The following NLRP1 variants were observed in gnomAD, a reference collection of about 807,000 sequenced individuals.
NLRP1 encodes the protein NLR family pyrin domain containing 1.
Under a neutral mutation model 136.7 loss-of-function variants are expected in NLRP1, and 94 were observed. The observed-to-expected ratio is 0.69, with a 90% confidence interval of 0.58 to 0.82. The LOEUF is 0.82. Ranked by LOEUF, NLRP1 falls within the 40% of genes least tolerant of loss-of-function variation. NLRP1 has a pLI of 0.00. For missense variants in NLRP1, 1,575 were observed against 1,802.7 expected (o/e 0.87, Z 2.29); for synonymous variants, 690 against 725.1 (o/e 0.95, Z 0.78).
chr17:5,550,646 G>C (rs1913830434), intron 5 of NLRP1, among the ~76,000 whole-genome samples: 1 of 151,928 alleles, frequency 6.6e-6, no homozygotes, highest in African/African-American at 2.4e-5. Context: ...CTAACTTTTA[G>C]TTTCATTGGT....
intron 8 of NLRP1, among the ~76,000 whole-genome samples, chr17:5,535,895 G>A (rs1260989046): frequency 7.2e-5 from 11 of 152,174 alleles, no homozygotes; most frequent in Admixed American, 7.2e-4. Flanking sequence ...CCCGGGGCTT[G>A]CCCCTCAAGT....
intron 12 of NLRP1, among the ~76,000 whole-genome samples, chr17:5,529,601 C>G (rs1037904736): frequency 2.0e-5 from 3 of 152,158 alleles, no homozygotes; most frequent in Non-Finnish European, 4.4e-5. Context: ...CTCCTGACCT[C>G]GTGATCCGCC....
At chr17:5,508,507 T>TCATCCC (rs1907471427) in intron 15 of NLRP1, among the ~76,000 whole-genome samples, 2 of 95,462 alleles carry the variant, frequency 2.1e-5, no homozygotes, top group East Asian at 1.0e-3. Flanking sequence ...CCTTTGATAC[T>TCATCCC]ATCCCTTAGT....
In NLRP1 at chr17:5,514,904, G is replaced by C. The variant is rs1567628592; in HGVS notation, c.4272C>G (p.Ser1424Arg). The part of the protein sequence containing the change: ...ERVLAENTRP[S>R]QMRKLFSLSQ... ...TCAAGCTGAACAGCTTCCGCATCTG[G>C]CTGGGCCTCGTGTTCTCAGCCAGCA... Residue 1424 changes from serine to arginine, a missense_variant, in exon 17 of 17, where the codon AGC (serine) becomes AGG (arginine). Ser to Arg is a moderately radical substitution (Grantham distance 110). Coordinates refer to ENST00000572272, the MANE Select transcript of NLRP1 (RefSeq NM_033004.4). 1 of 1,614,130 alleles carries C rather than the reference G, an allele frequency of 6.2e-7. No homozygotes were observed. The highest frequency in any genetic ancestry group is 8.5e-7 in the Non-Finnish European group (1 of 1,180,026).
chr17:5,583,797 G>A lies in NLRP1; in HGVS notation c.161C>T (p.Ala54Val). 6.4e-7 allele frequency: 1 copy of A among 1,557,310 alleles called. No individual in the cohort carries two copies. Among genetic ancestry groups the A allele is most frequent in the Non-Finnish European group, 8.7e-7 (1 of 1,149,736 alleles). ...QPEKTSGMEV[A>V]SYLVAQYGEQ... ...CCCATACTGAGCCACCAGGTACGAG[G>A]CCACCTCCATGCCACTCGTCTTCTC... The change falls in exon 1 of 17, where the codon GCC becomes GTC. Residue 54 changes from alanine to valine, a missense_variant. By Grantham distance (64) the Ala-to-Val change is moderately conservative (BLOSUM62 0). Coordinates refer to ENST00000572272, the MANE Select transcript of NLRP1 (RefSeq NM_033004.4). This position sits in a 1 kb window ranked among gnomAD's most constrained non-coding sequence, Gnocchi z 4.5.
chr17:5,556,088 GTCTGTC>G (rs144556154), intron 4 of NLRP1, among the ~76,000 whole-genome samples: 6,499 of 142,746 alleles, frequency 0.046, 407 homozygotes, highest in African/African-American at 0.13. Context: ...GCAAGACTCT[GTCTGTC>G]TCTGTCTCTG....
chr17:5,572,833 G>T lies in NLRP1; in HGVS notation c.652+9026C>A, dbSNP rs951055889. On this transcript the variant is annotated intron_variant, in intron 3 of 16. Transcript: ENST00000572272. ...ACTTATTATTAGCAAAATGCAAATT[G>T]GGGTGGTTCCAAGATGGCCGAATAG... is the stretch of plus-strand genomic sequence containing the variant. 3.3e-5 allele frequency among the ~76,000 whole-genome samples: 5 copies of T among 152,270 alleles called. No individual in the cohort carries two copies. The East Asian group carries it at 5.8e-4, about 18-fold the overall frequency.
intron 4 of NLRP1, among the ~76,000 whole-genome samples, chr17:5,556,553 T>C (rs1914109138): frequency 1.3e-5 from 2 of 150,900 alleles, no homozygotes; most frequent in Admixed American, 6.6e-5. Context: ...TAAAATAAAA[T>C]GTACAATATG....
intron 11 of NLRP1, 83 bp from the exon 12 acceptor site, chr17:5,530,787 G>T: frequency 4.8e-6 from 5 of 1,046,994 alleles, no homozygotes; most frequent in Non-Finnish European, 5.8e-6. Flanking sequence ...GCAGGGGCTT[G>T]CGGATACGGT....
chr17:5,564,347 C>T (rs556241936), intron 3 of NLRP1, among the ~76,000 whole-genome samples: 1 of 152,092 alleles, frequency 6.6e-6, no homozygotes, highest in African/African-American at 2.4e-5. Context: ...TCCCTCTTGC[C>T]CCCCACTACT....
intron 15 of NLRP1, 80 bp downstream of exon 15, chr17:5,517,666 G>T: frequency 6.5e-7 from 1 of 1,529,460 alleles, no homozygotes; most frequent in Non-Finnish European, 9.0e-7. Context: ...GATTACAGGC[G>T]TGAGCCACTG....
At position 5,583,771 on chromosome 17, in the gene NLRP1, C is replaced by T. The variant is rs564787076; in HGVS notation, c.187G>A (p.Glu63Lys). The stretch of plus-strand genomic sequence containing the variant: ...AGGGCTAGGTCCCAGGCCCGCTGCT[C>T]CCCATACTGAGCCACCAGGTACGAG... ...VASYLVAQYGEQRAWDLALHT... is the reference protein window; with the variant it reads ...VASYLVAQYGKQRAWDLALHT... The change falls in exon 1 of 17, where the codon GAG becomes AAG. Residue 63 changes from glutamate to lysine, a missense_variant. Transcript: ENST00000572272. This position sits in a 1 kb window ranked among gnomAD's most constrained non-coding sequence, Gnocchi z 4.5. 1 of 1,554,008 alleles carries T rather than the reference C, an allele frequency of 6.4e-7. No homozygotes were observed. Among genetic ancestry groups the T allele is most frequent in the East Asian group, 2.4e-5 (1 of 41,142 alleles).
intron 14 of NLRP1, among the ~76,000 whole-genome samples, chr17:5,519,503 G>C (rs933613437): frequency 1.5e-4 from 22 of 150,974 alleles, no homozygotes; most frequent in Admixed American, 5.9e-4. Flanking sequence ...TGGAGTGCAG[G>C]GGGGGTGATC....
chr17:5,518,020 C>T lies in NLRP1; in HGVS notation c.3916-133G>A, dbSNP rs1908378385. 5.0e-5 allele frequency: 39 copies of T among 786,946 alleles called. No individual in the cohort carries two copies. In the South Asian group the frequency reaches 6.7e-4, roughly 13 times the overall value. The allele number at this position is 786,946 out of a possible 1,614,324, so 48.7% of individuals were successfully genotyped here. ...ATCCCTGTACTGAAATCAACCATCACCTTCAGACATTGCTCTTTTCCCAAT... is the reference window on the plus strand; with the variant it reads ...ATCCCTGTACTGAAATCAACCATCATCTTCAGACATTGCTCTTTTCCCAAT... On this transcript the variant is annotated intron_variant, in intron 14 of 16. Transcript: ENST00000572272.
chr17:5,556,109 T>TA lies in NLRP1; in HGVS notation c.2357+2229_2357+2230insT, dbSNP rs1226748050. Among the ~76,000 whole-genome samples, 179 of 133,572 alleles carry TA rather than the reference T, an allele frequency of 1.3e-3. 1 individual carries two copies. Among genetic ancestry groups the TA allele is most frequent in the African/African-American group, 4.3e-3 (150 of 34,874 alleles). 87.6% of individuals were successfully genotyped at this position (133,572 alleles called of 152,430 possible). On this transcript the variant is annotated intron_variant, in intron 4 of 16. Transcript: ENST00000572272. ...CTCTGTCTGTCTCTGTCTCTGTCTC[T>TA]CTCTCTACACACACACACACACACA...
intron 5 of NLRP1, among the ~76,000 whole-genome samples, chr17:5,545,560 A>G (rs533657678): frequency 6.6e-6 from 1 of 152,184 alleles, no homozygotes; most frequent in East Asian, 1.9e-4. Flanking sequence ...ACACACAGAC[A>G]CACACACACG....
rs200573951 is a variant in NLRP1, at chr17:5,584,118, C to T, written c.-161G>A. The T allele has an allele frequency of 8.3e-5, 57 of 685,746 alleles. No homozygotes were observed. The highest frequency in any genetic ancestry group is 4.1e-4 in the Middle Eastern group (1 of 2,458). The allele number at this position is 685,746 out of a possible 1,614,324, so 42.5% of individuals were successfully genotyped here. On this transcript the variant is annotated 5_prime_UTR_variant, in exon 1 of 17. Transcript: ENST00000572272. ...TCCCAGGGCACCTACAGATAGACGC[C>T]GATAGAGGGGGAGTGGTAGGAAAAG... is the stretch of plus-strand genomic sequence containing the variant.
In NLRP1 at chr17:5,561,755, T is replaced by C. The variant is rs574657086; in HGVS notation, c.653-1712A>G. On this transcript the variant is annotated intron_variant, in intron 3 of 16. Transcript: ENST00000572272. The stretch of plus-strand genomic sequence containing the variant: ...ACCGCGCCCGGCCCCATGTGGTTTT[T>C]ATACTTGCCATGAAACTGTTCTTTG... 4.7e-4 allele frequency among the ~76,000 whole-genome samples: 71 copies of C among 152,282 alleles called. 1 individual carries two copies. The highest frequency in any genetic ancestry group is 1.7e-3 in the African/African-American group (70 of 41,532).
intron 3 of NLRP1, among the ~76,000 whole-genome samples, chr17:5,567,175 ATAAG>A (rs1216218572): frequency 1.3e-5 from 2 of 151,966 alleles, no homozygotes; most frequent in East Asian, 3.9e-4. Flanking sequence ...CTTATTATTG[ATAAG>A]TAAGGACTTA....
Sources: allele counts gnomAD v4.1 joint callset (sites outside exome capture counted in the v4.1 genomes callset), GRCh38; gene constraint gnomAD v4.1.1; non-coding constraint Gnocchi (gnomAD v3.1); transcripts MANE v1.5; gene names NCBI Gene and HGNC (gene_info 2026-07-23, HGNC 2026-07-21).